Variants in SLC12A3 observed in about 807,000 individuals in gnomAD.
SLC12A3 encodes the protein Na-Cl cotransporter.
SLC12A3 carries 104 observed loss-of-function variants against 121.0 expected under a neutral mutation model. The observed-to-expected ratio is 0.86, with a 90% CI of 0.73 to 1.01. The LOEUF (loss-of-function observed/expected upper bound fraction) is 1.01, where lower values mean the gene tolerates loss of function less well. Ranked by LOEUF, SLC12A3 falls within the 50% of genes least tolerant of loss-of-function variation. SLC12A3 has a pLI of 0.00. For missense variants in SLC12A3, 1,328 were observed against 1,356.3 expected, an observed-to-expected ratio of 0.98 and a Z score of 0.33; for synonymous variants, 536 against 533.4, an observed-to-expected ratio of 1.00 and a Z score of -0.07.
chr16:56,912,324 T>C (rs2055697117), intron 25 of SLC12A3, among the ~76,000 whole-genome samples: 1 of 152,214 alleles, frequency 6.6e-6, no homozygotes, highest in Non-Finnish European at 1.5e-5. Flanking sequence ...AAAAGTCACT[T>C]CCTGAAATAG....
intron 23 of SLC12A3, 73 bp downstream of exon 23, chr16:56,899,689 C>A: frequency 9.2e-7 from 1 of 1,088,262 alleles, no homozygotes; most frequent in Non-Finnish European, 1.4e-6. Context: ...CGGCTGCCCC[C>A]TTTTTCCTTG....
At chr16:56,872,608 G>A in intron 7 of SLC12A3, 48 bp from the exon 8 acceptor site, 2 of 1,613,904 alleles carry the variant, frequency 1.2e-6, no homozygotes, top group South Asian at 1.1e-5. Context: ...CAGCAAGGGG[G>A]GTCAAGCCCT....
chr16:56,910,503 G>GT (rs1355438449), intron 25 of SLC12A3, among the ~76,000 whole-genome samples: 3 of 151,886 alleles, frequency 2.0e-5, no homozygotes, highest in Non-Finnish European at 4.4e-5. Flanking sequence ...GGCCTGGCTA[G>GT]TTTTTTGTAT....
chr16:56,898,421 G>A (rs2055494827), intron 22 of SLC12A3, among the ~76,000 whole-genome samples: 1 of 152,102 alleles, frequency 6.6e-6, no homozygotes, highest in African/African-American at 2.4e-5. Context: ...ACCACGGCCG[G>A]CTAATTTTTT....
At chr16:56,880,081 G>A (rs1316611663) in intron 11 of SLC12A3, 49 bp from the exon 12 acceptor site, 2 of 1,593,690 alleles carry the variant, frequency 1.3e-6, no homozygotes, top group Admixed American at 3.6e-5. Context: ...CAGGGGAGGG[G>A]AAGTGGCAGG....
intron 8 of SLC12A3, among the ~76,000 whole-genome samples, chr16:56,874,604 C>T (rs1344117418): frequency 6.6e-6 from 1 of 152,190 alleles, no homozygotes; most frequent in East Asian, 1.9e-4. Context: ...AGTTCGAGAC[C>T]AGCCTGGCTA....
chr16:56,876,511 A>C (rs1389823589), intron 8 of SLC12A3, among the ~76,000 whole-genome samples: 1 of 152,188 alleles, frequency 6.6e-6, no homozygotes, highest in African/African-American at 2.4e-5. Flanking sequence ...GACTCCACCC[A>C]AAGCCCTGGG....
intron 2 of SLC12A3, among the ~76,000 whole-genome samples, 175 bp downstream of exon 2, chr16:56,867,391 A>T (rs533352931): frequency 6.6e-6 from 1 of 152,214 alleles, no homozygotes; most frequent in South Asian, 2.1e-4. Flanking sequence ...GCCGGGGAGT[A>T]ATTAGAAGAA....
At chr16:56,891,875 G>A (rs185212645) in intron 19 of SLC12A3, among the ~76,000 whole-genome samples, 168 of 152,326 alleles carry the variant, frequency 1.1e-3, no homozygotes, top group Non-Finnish European at 1.7e-3. Context: ...CTGTTTGAGG[G>A]GCAAGAGGAG....
rs758035631 is a variant in SLC12A3 at position 56,870,120 on chromosome 16, G to A, written c.626G>A (p.Arg209Gln). 4.6e-5 allele frequency: 75 copies of A among 1,613,654 alleles called. No individual in the cohort carries two copies. The highest frequency in any genetic ancestry group is 6.0e-5 in the Non-Finnish European group (71 of 1,180,052). Residue 209 changes from arginine to glutamine, a missense_variant, in exon 5 of 26, where the codon CGG (arginine) becomes CAG (glutamine). Physicochemically the swap from Arg to Gln is conservative, Grantham distance 43. Transcript: ENST00000563236. Reference protein sequence around the residue: ...KSGGTYFLISRSLGPELGGSI... With the variant: ...KSGGTYFLISQSLGPELGGSI... ...GGTGGCACCTACTTCCTCATCTCCC[G>A]GAGTCTGGGCCCAGAGCTTGGGGGC...
rs563156824 is a variant in SLC12A3 at position 56,911,609 on chromosome 16, C to T, written c.2925-1655C>T. On this transcript the variant is annotated intron_variant, in intron 25 of 25. Coordinates refer to ENST00000563236, the MANE Select transcript of SLC12A3 (RefSeq NM_001126108.2). ...CAAAGTGCTGGGATTACAGGTGTGACCATGCCTGGCCCGGGACATTGCTTT... is the reference window on the plus strand; with the variant it reads ...CAAAGTGCTGGGATTACAGGTGTGATCATGCCTGGCCCGGGACATTGCTTT... Among the ~76,000 whole-genome samples, 33 of 152,270 alleles carry T rather than the reference C, an allele frequency of 2.2e-4. No homozygotes were observed. In the East Asian group the frequency reaches 5.8e-3, roughly 27 times the overall value.
Position 56,892,929 on chromosome 16 carries a change from C to G in SLC12A3, c.2420-24C>G, listed in dbSNP as rs756208837. 41 of 1,604,134 alleles carry G rather than the reference C, an allele frequency of 2.6e-5. No individual in the cohort carries two copies. In the South Asian group the frequency reaches 4.1e-4, roughly 16 times the overall value. The stretch of plus-strand genomic sequence containing the variant: ...TGGATGCGCGGCTGCTGGCTCTGCT[C>G]TGACCCGCCCCCACCTCCTGCAGTG... On this transcript the variant is annotated intron_variant, in intron 20 of 25. Transcript: ENST00000563236.
chr16:56,907,259 C>T (rs773117870), intron 25 of SLC12A3, among the ~76,000 whole-genome samples: 6 of 152,118 alleles, frequency 3.9e-5, no homozygotes, highest in African/African-American at 9.7e-5. Context: ...AGTTTGAGAC[C>T]GGCCTGGCCA....
At position 56,872,712 on chromosome 16, in the gene SLC12A3, T is replaced by A; in HGVS notation, c.1021T>A (p.Phe341Ile). The change falls in exon 8 of 26, where the codon TTC (phenylalanine) becomes ATC (isoleucine). Residue 341 changes from phenylalanine to isoleucine, a missense_variant. Transcript: ENST00000563236. ...CTGGCGGGGTCCAGATGGCACCTTCTTCGGAATGTTCTCCATCTTCTTCCC... is the reference window on the plus strand; with the variant it reads ...CTGGCGGGGTCCAGATGGCACCTTCATCGGAATGTTCTCCATCTTCTTCCC... ...PDWRGPDGTFFGMFSIFFPSA... is the reference protein window; with the variant it reads ...PDWRGPDGTFIGMFSIFFPSA... 1 of 1,614,280 alleles carries A rather than the reference T, an allele frequency of 6.2e-7. No homozygotes were observed. The highest frequency in any genetic ancestry group is 8.5e-7 in the Non-Finnish European group (1 of 1,180,042).
At position 56,888,039 on chromosome 16, in the gene SLC12A3, G is replaced by T. The variant is rs199854613; in HGVS notation, c.2285+8G>T. The T allele has an allele frequency of 4.4e-6, 7 of 1,597,076 alleles. No homozygotes were observed. The highest frequency in any genetic ancestry group is 6.0e-6 in the Non-Finnish European group (7 of 1,166,156). ...CTACATTGGCATCCTCCAGTGAGTC[G>T]GGGGAGAGGAAGGGGCTTGGGGTCT... On this transcript the variant is annotated splice_region_variant and intron_variant, in intron 18 of 25. Coordinates refer to ENST00000563236, the MANE Select transcript of SLC12A3 (RefSeq NM_001126108.2).
chr16:56,879,984 C>A, intron 11 of SLC12A3, 146 bp from the exon 12 acceptor site: 1 of 950,922 alleles, frequency 1.1e-6, no homozygotes, highest in Non-Finnish European at 1.6e-6. Context: ...AGGGGGTGAG[C>A]ATCCCTGTTT....
In SLC12A3 at chr16:56,898,036, G is replaced by A. The variant is rs138706233; in HGVS notation, c.2634-1494G>A. ...CAGCACACTCCATGCATCCCAGCCA[G>A]CTCCTCACTGCCCTGTTCCACCCCC... On this transcript the variant is annotated intron_variant, in intron 22 of 25. Transcript: ENST00000563236. 4.8e-3 allele frequency among the ~76,000 whole-genome samples: 738 copies of A among 152,248 alleles called. 7 individuals are homozygous for A. The highest frequency in any genetic ancestry group is 0.017 in the African/African-American group (708 of 41,544).
intron 2 of SLC12A3, 121 bp downstream of exon 2, chr16:56,867,337 G>T (rs1964381248): frequency 1.6e-5 from 16 of 976,038 alleles, no homozygotes; most frequent in Non-Finnish European, 2.3e-5. Context: ...TCTGTACAAT[G>T]AATTCAATGA....
intron 13 of SLC12A3, among the ~76,000 whole-genome samples, chr16:56,883,279 C>CT (rs71152216): frequency 0.22 from 26,372 of 119,556 alleles, 3,410 homozygotes; most frequent in East Asian, 0.29. Flanking sequence ...CTTTTTCTTT[C>CT]TTTTTTTTTT....
Sources: allele counts gnomAD v4.1 joint callset (sites outside exome capture counted in the v4.1 genomes callset), GRCh38; gene constraint gnomAD v4.1.1; transcripts MANE v1.5; gene names NCBI Gene and HGNC (gene_info 2026-07-23, HGNC 2026-07-21).